Variants in DGCR2 observed in about 807,000 individuals in gnomAD.
DGCR2 encodes integral membrane protein DGCR2/IDD.
Under a neutral mutation model 51.6 loss-of-function variants are expected in DGCR2, and 24 were observed. The observed-to-expected ratio is 0.47, with a 90% confidence interval of 0.34 to 0.65. The LOEUF is 0.65. Among genes scored for constraint, DGCR2 ranks in the 30% least tolerant of loss-of-function variants. The probability of loss-of-function intolerance (pLI) is 0.01; values close to 1 mark genes in which losing one functional copy is unlikely to be tolerated. For synonymous variants in DGCR2, 340 were observed against 315.4 expected, an observed-to-expected ratio of 1.08 and a Z score of -0.82; for missense variants, 765 against 772.1, an observed-to-expected ratio of 0.99 and a Z score of 0.11.
In DGCR2 at chr22:19,038,804, G is replaced by C; in HGVS notation, c.*61C>G. 4 of 1,575,714 alleles carry C rather than the reference G, an allele frequency of 2.5e-6. No homozygotes were observed. The highest frequency in any genetic ancestry group is 3.5e-6 in the Non-Finnish European group (4 of 1,157,476). On this transcript the variant is annotated 3_prime_UTR_variant, in exon 10 of 10. Transcript: ENST00000263196. Reference sequence around the variant, plus strand: ...ACAGGGGCCTTTCAAGTCTCCCCAGGGACCGGTGTTTTCTACAACAGACAG... The same window carrying C: ...ACAGGGGCCTTTCAAGTCTCCCCAGCGACCGGTGTTTTCTACAACAGACAG...
At chr22:19,064,820 C>T (rs753562293) in intron 4 of DGCR2, 28 bp downstream of exon 4, 24 of 1,601,928 alleles carry the variant, frequency 1.5e-5, no homozygotes, top group Middle Eastern at 3.8e-4. Context: ...CTGACTCCAG[C>T]CCCTCAGGTC....
At chr22:19,103,233 G>A (rs1448763204) in intron 1 of DGCR2, among the ~76,000 whole-genome samples, 1 of 151,536 alleles carries the variant, frequency 6.6e-6, no homozygotes, top group African/African-American at 2.4e-5. Context: ...CTGTGGGCAG[G>A]GGAATTGGGG....
At chr22:19,106,214 C>T (rs1006103760) in intron 1 of DGCR2, among the ~76,000 whole-genome samples, 4 of 152,188 alleles carry the variant, frequency 2.6e-5, no homozygotes, top group African/African-American at 4.8e-5. Flanking sequence ...CTGACTTCCA[C>T]GGAGGTGATG....
At chr22:19,041,756 G>A (rs775511028) in intron 8 of DGCR2, 51 bp downstream of exon 8, 48 of 1,583,378 alleles carry the variant, frequency 3.0e-5, no homozygotes, top group Admixed American at 5.2e-5. Flanking sequence ...GACATGGGGT[G>A]ACCTGGGGTG....
intron 2 of DGCR2, among the ~76,000 whole-genome samples, chr22:19,082,944 G>A (rs898594298): frequency 7.2e-5 from 11 of 151,790 alleles, no homozygotes; most frequent in African/African-American, 2.4e-4. Flanking sequence ...GCAATTAGCC[G>A]GGCATGGTGG....
At chr22:19,094,715 C>T (rs1427121636) in intron 1 of DGCR2, among the ~76,000 whole-genome samples, 1 of 152,136 alleles carries the variant, frequency 6.6e-6, no homozygotes, top group African/African-American at 2.4e-5. Context: ...TTTGTAATAT[C>T]CAAAAGCTGG....
At chr22:19,086,536 C>A (rs779014216) in intron 2 of DGCR2, among the ~76,000 whole-genome samples, 1 of 152,014 alleles carries the variant, frequency 6.6e-6, no homozygotes, top group Non-Finnish European at 1.5e-5. Context: ...CAGCACTATA[C>A]AAGGACAATC....
At position 19,038,482 on chromosome 22, in the gene DGCR2, G is replaced by C. The variant is rs2082394780; in HGVS notation, c.*383C>G. On this transcript the variant is annotated 3_prime_UTR_variant, in exon 10 of 10. Coordinates refer to ENST00000263196, the MANE Select transcript of DGCR2 (RefSeq NM_005137.3). ...TGCCTGTCCCAGACTGGGTCAGCAG[G>C]TCTCTCTGGACAGCACACTGCACCA... 5.1e-6 allele frequency: 1 copy of C among 197,046 alleles called. No individual in the cohort carries two copies. Among genetic ancestry groups the C allele is most frequent in the African/African-American group, 2.4e-5 (1 of 42,428 alleles). 12.2% of individuals were successfully genotyped at this position (197,046 alleles called of 1,614,324 possible). A position where few individuals can be genotyped will look rare whatever the true frequency, so the allele number is the denominator to read the frequency against.
intron 1 of DGCR2, among the ~76,000 whole-genome samples, chr22:19,110,351 C>A (rs1180098029): frequency 6.6e-6 from 1 of 152,028 alleles, no homozygotes; most frequent in African/African-American, 2.4e-5. Context: ...TTCCTGGGGG[C>A]ATTTGTGTGG....
chr22:19,074,736 A>G (rs1007772386), intron 2 of DGCR2, among the ~76,000 whole-genome samples: 6 of 152,250 alleles, frequency 3.9e-5, no homozygotes, highest in Non-Finnish European at 5.9e-5. Flanking sequence ...TAACTTGAAT[A>G]AAGATAAAAC....
At chr22:19,094,221 A>C (rs139000183) in intron 1 of DGCR2, among the ~76,000 whole-genome samples, 1 of 152,352 alleles carries the variant, frequency 6.6e-6, no homozygotes, top group Non-Finnish European at 1.5e-5. Context: ...TGAGGTTAAG[A>C]GTTTGAGACC....
At chr22:19,060,723 G>A (rs543759730) in intron 5 of DGCR2, 15 of 317,680 alleles carry the variant, frequency 4.7e-5, no homozygotes, top group Non-Finnish European at 7.6e-5. Flanking sequence ...CAGCAGCAGC[G>A]GCAGTTCTGT....
intron 5 of DGCR2, among the ~76,000 whole-genome samples, chr22:19,062,779 A>ATTCTCTCTCTCTCTCT: frequency 2.4e-5 from 3 of 127,354 alleles, no homozygotes; most frequent in Non-Finnish European, 1.8e-5. Flanking sequence ...ATGCATGCTC[A>ATTCTCTCTCTCTCTCT]CTCTCTCTCT....
intron 1 of DGCR2, among the ~76,000 whole-genome samples, chr22:19,099,238 G>T (rs1367201051): frequency 6.6e-6 from 1 of 152,174 alleles, no homozygotes; most frequent in Non-Finnish European, 1.5e-5. Flanking sequence ...ACACCAGATG[G>T]TGACTCCAAC....
chr22:19,101,821 G>C (rs1465982603), intron 1 of DGCR2, among the ~76,000 whole-genome samples: 1 of 151,820 alleles, frequency 6.6e-6, no homozygotes, highest in Non-Finnish European at 1.5e-5. Flanking sequence ...TTGGGAGGCC[G>C]AGGCAGGTGG....
chr22:19,040,903 G>C (rs918246658), intron 9 of DGCR2, among the ~76,000 whole-genome samples, 155 bp downstream of exon 9: 1 of 152,192 alleles, frequency 6.6e-6, no homozygotes, highest in Non-Finnish European at 1.5e-5. Flanking sequence ...CCTTCTGCAC[G>C]GGCAGCCCCA....
At position 19,039,112 on chromosome 22, in the gene DGCR2, G is replaced by C. The variant is rs769205108; in HGVS notation, c.1406C>G (p.Ala469Gly). The C allele has an allele frequency of 2.5e-6, 4 of 1,613,082 alleles. No individual in the cohort carries two copies. The East Asian group carries it at 6.7e-5, about 27-fold the overall frequency. Reference protein sequence around the residue: ...SVFYDPADDDAFEPVEVSLPA... With the variant: ...SVFYDPADDDGFEPVEVSLPA... ...CAGGCTGACCTCCACAGGCTCAAAA[G>C]CATCATCGTCTGCAGGAAGAGACAG... The change falls in exon 10 of 10, where the codon GCT (alanine) becomes GGT (glycine). Residue 469 changes from alanine to glycine, a missense_variant. By Grantham distance (60) the Ala-to-Gly change is moderately conservative. Around this residue, in one of 3 missense-constraint regions of DGCR2, gnomAD observed 205 missense variants for 181.4 expected, o/e 1.13. Coordinates refer to ENST00000263196, the MANE Select transcript of DGCR2 (RefSeq NM_005137.3).
rs769564930 is a variant in DGCR2, at chr22:19,082,775, AAAAG to A, written c.202+6589_202+6592del. Among the ~76,000 whole-genome samples the A allele has an allele frequency of 4.9e-4, 74 of 151,348 alleles. 1 individual carries two copies. Among genetic ancestry groups the A allele is most frequent in the African/African-American group, 1.7e-3 (69 of 41,214 alleles). On this transcript the variant is annotated intron_variant, in intron 2 of 9. Transcript: ENST00000263196. ...CCATCTCCAAAAAAAAACAGAAAAA[AAAAG>A]AAAGAAAGAAAGAAAAGAAAAAGGT...
chr22:19,049,350 G>C (rs1251300499), intron 6 of DGCR2, among the ~76,000 whole-genome samples: 1 of 152,088 alleles, frequency 6.6e-6, no homozygotes, highest in Non-Finnish European at 1.5e-5. Flanking sequence ...GTCTTCAACT[G>C]GTAGGCAGAC....
Sources: allele counts gnomAD v4.1 joint callset (sites outside exome capture counted in the v4.1 genomes callset), GRCh38; gene constraint gnomAD v4.1.1; regional missense constraint gnomAD v4.1.1; transcripts MANE v1.5; gene names NCBI Gene and HGNC (gene_info 2026-07-23, HGNC 2026-07-21).